LINGO2: variants seen among roughly 807,000 people sequenced by gnomAD.
The protein encoded by LINGO2 is leucine rich repeat and Ig domain containing 2, also known as leucine-rich repeat and immunoglobulin-like domain-containing nogo receptor-interacting protein 2.
A neutral mutation model predicts 30.6 loss-of-function variants in LINGO2; 14 were observed. That is an observed-to-expected ratio of 0.46 (90% CI 0.30 to 0.72). The LOEUF (loss-of-function observed/expected upper bound fraction) is 0.72, where lower values mean the gene tolerates loss of function less well. LINGO2 is among the 30% of genes least tolerant of loss of function. LINGO2 has a pLI of 0.07. For missense variants in LINGO2, 729 were observed against 751.7 expected (o/e 0.97, Z 0.35); for synonymous variants, 317 against 288.5 (o/e 1.10, Z -1.00).
intron 2 of LINGO2, among the ~76,000 whole-genome samples, chr9:28,436,712 C>G (rs1234212103): frequency 6.6e-6 from 1 of 152,160 alleles, no homozygotes; most frequent in Non-Finnish European, 1.5e-5. Flanking sequence ...CCGCCTTGGC[C>G]TCCCAAAGTG....
chr9:27,948,270 G>A (rs1258042183), exon 6 of LINGO2: 2 of 152,234 alleles, frequency 1.3e-5, no homozygotes, highest in Non-Finnish European at 2.9e-5. Context: ...ATCACACTTG[G>A]ATCTATAGTG....
At chr9:28,536,362 G>A (rs1821437002) in intron 1 of LINGO2, among the ~76,000 whole-genome samples, 1 of 152,056 alleles carries the variant, frequency 6.6e-6, no homozygotes, top group Non-Finnish European at 1.5e-5. Context: ...GCTTCCTAAA[G>A]GGAATATTTT....
rs189423835 is a variant in LINGO2 at position 28,590,933 on chromosome 9, G to A, written c.-365+79267C>T. Among the ~76,000 whole-genome samples, 53 of 152,058 alleles carry A rather than the reference G, an allele frequency of 3.5e-4. No homozygotes were observed. The East Asian group carries it at 6.0e-3, about 17-fold the overall frequency. The stretch of plus-strand genomic sequence containing the variant: ...CAAATGTCCAACAATGATAGACTGC[G>A]TTAAGAAAATGTGGCACATATACAC... On this transcript the variant is annotated intron_variant, in intron 1 of 5. Transcript: ENST00000379992.
intron 2 of LINGO2, among the ~76,000 whole-genome samples, chr9:28,440,065 C>G (rs1314444903): frequency 1.3e-5 from 2 of 152,148 alleles, no homozygotes; most frequent in African/African-American, 4.8e-5. Flanking sequence ...CTGACTGATA[C>G]AATCCTTAAG....
intron 2 of LINGO2, among the ~76,000 whole-genome samples, chr9:28,446,545 A>G (rs1218065761): frequency 6.6e-6 from 1 of 152,150 alleles, no homozygotes; most frequent in Non-Finnish European, 1.5e-5. Flanking sequence ...ACATTCAATC[A>G]ATTACTAAGT....
At chr9:28,374,202 GT>G (rs150464638) in intron 2 of LINGO2, among the ~76,000 whole-genome samples, 1 of 124,200 alleles carries the variant, frequency 8.1e-6, no homozygotes, top group South Asian at 2.5e-4. Flanking sequence ...TTAAAAATAT[GT>G]TTTTATTTAT....
At chr9:28,154,025 C>T (rs1296929349) in intron 4 of LINGO2, among the ~76,000 whole-genome samples, 1 of 152,084 alleles carries the variant, frequency 6.6e-6, no homozygotes, top group African/African-American at 2.4e-5. Context: ...CTTAGAAAGA[C>T]TCATCATTTT....
At chr9:29,060,742 A>G in the LINGO2 span, among the ~76,000 whole-genome samples, 1 of 151,990 alleles carries the variant, frequency 6.6e-6, no homozygotes, top group African/African-American at 2.4e-5. Flanking sequence ...AACTGAAAAT[A>G]CAATGTTTGA....
the LINGO2 span, among the ~76,000 whole-genome samples, chr9:28,856,283 CA>C: frequency 5.9e-5 from 9 of 151,938 alleles, no homozygotes; most frequent in Admixed American, 4.6e-4. Context: ...ACGTATCGAG[CA>C]TCCTCTTCAT....
chr9:28,622,083 G>T (rs1391762820), intron 1 of LINGO2, among the ~76,000 whole-genome samples: 1 of 152,030 alleles, frequency 6.6e-6, no homozygotes, highest in East Asian at 1.9e-4. Flanking sequence ...GAGGTACTTT[G>T]ATACAGGCAT....
chr9:28,288,808 C>T (rs1404919926), intron 4 of LINGO2, among the ~76,000 whole-genome samples: 1 of 152,094 alleles, frequency 6.6e-6, no homozygotes, highest in East Asian at 1.9e-4. Flanking sequence ...TGAGAATGCC[C>T]ACTGCTCTCT....
the LINGO2 span, among the ~76,000 whole-genome samples, chr9:29,061,689 C>T: frequency 2.0e-4 from 30 of 151,990 alleles, no homozygotes; most frequent in Admixed American, 8.5e-4. Context: ...ATTCAAAATA[C>T]ATCAAAGGCT....
intron 1 of LINGO2, among the ~76,000 whole-genome samples, chr9:28,633,668 T>C (rs1827107973): frequency 6.6e-6 from 1 of 152,136 alleles, no homozygotes; most frequent in South Asian, 2.1e-4. Context: ...ACTATATTAA[T>C]AGGACTGAGA....
chr9:28,849,357 C>G, the LINGO2 span, among the ~76,000 whole-genome samples: 1 of 151,906 alleles, frequency 6.6e-6, no homozygotes, highest in Non-Finnish European at 1.5e-5. Flanking sequence ...TCTGTATGTG[C>G]AATACACAGA....
At chr9:28,405,540 T>A (rs1373939717) in intron 2 of LINGO2, among the ~76,000 whole-genome samples, 1 of 152,174 alleles carries the variant, frequency 6.6e-6, no homozygotes, top group Non-Finnish European at 1.5e-5. Flanking sequence ...ATGTATTAAA[T>A]TTACCTCTAT....
At chr9:28,803,212 T>A in the LINGO2 span, among the ~76,000 whole-genome samples, 1 of 151,932 alleles carries the variant, frequency 6.6e-6, no homozygotes, top group Non-Finnish European at 1.5e-5. Context: ...TAAATCAGAT[T>A]AAGTGGATTA....
At chr9:28,598,435 C>A (rs72715213) in intron 1 of LINGO2, among the ~76,000 whole-genome samples, 3,932 of 107,932 alleles carry the variant, frequency 0.036, 77 homozygotes, top group Non-Finnish European at 0.046. Flanking sequence ...AAAAAAAAAA[C>A]AAAACAAACA....
chr9:28,727,443 G>A, the LINGO2 span, among the ~76,000 whole-genome samples: 64 of 152,022 alleles, frequency 4.2e-4, no homozygotes, highest in African/African-American at 1.4e-3. Context: ...CCGCCACCAC[G>A]TCTGGCTAAT....
At chr9:28,449,548 T>C (rs1267543268) in intron 2 of LINGO2, among the ~76,000 whole-genome samples, 3 of 152,192 alleles carry the variant, frequency 2.0e-5, no homozygotes, top group Non-Finnish European at 2.9e-5. Context: ...TATATAATAC[T>C]ACCTCAATAC....
Sources: allele counts gnomAD v4.1 joint callset (sites outside exome capture counted in the v4.1 genomes callset), GRCh38; gene constraint gnomAD v4.1.1; transcripts MANE v1.5; gene names NCBI Gene and HGNC (gene_info 2026-07-23, HGNC 2026-07-21).